The following GRM7 variants were observed in gnomAD, a reference collection of about 807,000 sequenced individuals.
The protein encoded by GRM7 is metabotropic glutamate receptor 7.
In GRM7, 35 loss-of-function variants were observed where a neutral mutation model predicts 84.5. The observed-to-expected ratio is 0.41, with a 90% confidence interval of 0.32 to 0.55. The LOEUF (loss-of-function observed/expected upper bound fraction) is 0.55. GRM7 is among the 20% of genes least tolerant of loss of function. The probability of loss-of-function intolerance (pLI) is 0.19; values close to 1 mark genes in which losing one functional copy is unlikely to be tolerated. For missense variants in GRM7, 1,003 were observed against 1,194.6 expected, an observed-to-expected ratio of 0.84 and a Z score of 2.36; for synonymous variants, 487 against 455.1, an observed-to-expected ratio of 1.07 and a Z score of -0.89.
At chr3:7,696,407 G>C (rs1701021392) in intron 9 of GRM7, among the ~76,000 whole-genome samples, 1 of 152,122 alleles carries the variant, frequency 6.6e-6, no homozygotes, top group South Asian at 2.1e-4. Context: ...TTTGTTTGTG[G>C]TCAGTACATG....
intron 2 of GRM7, among the ~76,000 whole-genome samples, chr3:7,294,381 T>G (rs1264910763): frequency 6.6e-6 from 1 of 152,120 alleles, no homozygotes; most frequent in Non-Finnish European, 1.5e-5. Context: ...TTGCAGATGG[T>G]TTCATCCCTC....
At chr3:7,226,107 C>T (rs561404877) in intron 2 of GRM7, among the ~76,000 whole-genome samples, 3 of 152,302 alleles carry the variant, frequency 2.0e-5, no homozygotes, top group African/African-American at 4.8e-5. Context: ...TGCTGAGTCT[C>T]ATCAAGTATG....
intron 9 of GRM7, among the ~76,000 whole-genome samples, chr3:7,727,275 A>G (rs1397400787): frequency 1.3e-5 from 2 of 152,202 alleles, no homozygotes; most frequent in Non-Finnish European, 2.9e-5. Flanking sequence ...TATATTGTAC[A>G]TCATCATGAA....
At chr3:7,225,831 G>A (rs1696965548) in intron 2 of GRM7, among the ~76,000 whole-genome samples, 1 of 151,972 alleles carries the variant, frequency 6.6e-6, no homozygotes, top group Admixed American at 6.6e-5. Flanking sequence ...TCAAATGCTA[G>A]TGTGCAAATG....
At chr3:6,880,466 G>C (rs944811876) in intron 1 of GRM7, among the ~76,000 whole-genome samples, 1 of 152,152 alleles carries the variant, frequency 6.6e-6, no homozygotes, top group Non-Finnish European at 1.5e-5. Flanking sequence ...GCGGGCTTTA[G>C]AAACTTCTGG....
intron 4 of GRM7, among the ~76,000 whole-genome samples, chr3:7,349,087 T>G (rs1441002253): frequency 6.6e-6 from 1 of 152,118 alleles, no homozygotes; most frequent in Non-Finnish European, 1.5e-5. Context: ...TCTTAAACTG[T>G]CTTCCCTCCC....
intron 2 of GRM7, among the ~76,000 whole-genome samples, chr3:7,152,759 C>T (rs1186639424): frequency 1.3e-5 from 2 of 152,200 alleles, no homozygotes; most frequent in Admixed American, 6.5e-5. Context: ...AATATTCTTA[C>T]ATCTATTTCC....
intron 1 of GRM7, among the ~76,000 whole-genome samples, chr3:6,958,937 A>G (rs1693181862): frequency 6.6e-6 from 1 of 152,214 alleles, no homozygotes; most frequent in South Asian, 2.1e-4. Context: ...GAAAAGATTG[A>G]AAAACATAAA....
chr3:7,374,703 G>T (rs1575239151), intron 4 of GRM7, among the ~76,000 whole-genome samples: 1 of 150,426 alleles, frequency 6.6e-6, no homozygotes, highest in Admixed American at 6.6e-5. Flanking sequence ...GTTGGCCAGG[G>T]TGGTCTCGAA....
At chr3:7,346,366 C>T (rs1263080622) in intron 4 of GRM7, among the ~76,000 whole-genome samples, 1 of 152,136 alleles carries the variant, frequency 6.6e-6, no homozygotes, top group East Asian at 1.9e-4. Flanking sequence ...ATCCGAAGGT[C>T]TTCATGTTTT....
chr3:7,679,841 G>A (rs1700290747), intron 8 of GRM7, among the ~76,000 whole-genome samples: 1 of 152,188 alleles, frequency 6.6e-6, no homozygotes, highest in African/African-American at 2.4e-5. Flanking sequence ...GCATGTGCAT[G>A]GATTGACCCA....
At chr3:7,105,578 C>A (rs1208385945) in intron 1 of GRM7, among the ~76,000 whole-genome samples, 1 of 151,910 alleles carries the variant, frequency 6.6e-6, no homozygotes. Context: ...ATTGTATAAA[C>A]TATTCCCTTT....
At position 7,434,443 on chromosome 3, in the gene GRM7, TTCTG is replaced by T. The variant is rs1402750081; in HGVS notation, c.1175-18162_1175-18159del. Among the ~76,000 whole-genome samples, 3 of 152,178 alleles carry T rather than the reference TTCTG, an allele frequency of 2.0e-5. No individual in the cohort carries two copies. In the East Asian group the frequency reaches 5.8e-4, roughly 29 times the overall value. On this transcript the variant is annotated intron_variant, in intron 5 of 9. Transcript: ENST00000357716. Reference sequence around the variant, plus strand: ...GAGATTTTGCAAATGTTTATAGACTTTCTGTATAATGTTGAAGGAGTTTCTTTCC... The same window carrying T: ...GAGATTTTGCAAATGTTTATAGACTTTATAATGTTGAAGGAGTTTCTTTCC...
At chr3:7,578,289 T>G (rs879945545) in intron 7 of GRM7, 133 bp from the exon 8 acceptor site, 3 of 630,144 alleles carry the variant, frequency 4.8e-6, no homozygotes, top group Admixed American at 5.9e-5. Context: ...TTGTAACTCT[T>G]GCAAGCTGAG....
chr3:7,657,503 T>G (rs1699259431), intron 8 of GRM7, among the ~76,000 whole-genome samples: 1 of 152,250 alleles, frequency 6.6e-6, no homozygotes, highest in African/African-American at 2.4e-5. Flanking sequence ...GAGTTTCATT[T>G]AATCTTAGTT....
At chr3:7,380,559 A>G (rs1482556046) in intron 4 of GRM7, among the ~76,000 whole-genome samples, 1 of 152,196 alleles carries the variant, frequency 6.6e-6, no homozygotes, top group Admixed American at 6.5e-5. Context: ...TTAGCAGTCT[A>G]AACAGCTTCT....
chr3:7,684,920 G>A (rs932824684), intron 9 of GRM7, among the ~76,000 whole-genome samples: 9 of 152,170 alleles, frequency 5.9e-5, no homozygotes, highest in South Asian at 4.1e-4. Context: ...ACCTGGCCTC[G>A]TTTGAATAGC....
intron 4 of GRM7, among the ~76,000 whole-genome samples, chr3:7,353,233 G>C (rs1438085947): frequency 6.6e-6 from 1 of 152,046 alleles, no homozygotes; most frequent in South Asian, 2.1e-4. Flanking sequence ...TCATGAGGAA[G>C]TATACTATAC....
chr3:7,516,349 C>T (rs1377775560), intron 7 of GRM7, among the ~76,000 whole-genome samples: 6 of 147,248 alleles, frequency 4.1e-5, no homozygotes, highest in African/African-American at 1.3e-4. Context: ...TGGTGGTGTG[C>T]GCCTGTAGTC....
Sources: gnomAD v4.1 joint callset for allele counts (sites outside exome capture counted in the v4.1 genomes callset) on GRCh38, gnomAD v4.1.1 for gene constraint, MANE v1.5 for transcripts, NCBI Gene and HGNC (gene_info 2026-07-23, HGNC 2026-07-21) for gene names.